The following RXFP1 variants were observed in gnomAD, a reference collection of about 807,000 sequenced individuals.
The protein encoded by RXFP1 is relaxin family peptide receptor 1.
In RXFP1, 73 loss-of-function variants were observed where a neutral mutation model predicts 89.8. The ratio of observed to expected loss-of-function variants is 0.81; its 90% CI spans 0.67 to 0.99. The LOEUF is 0.99. Among genes scored for constraint, RXFP1 ranks in the 50% least tolerant of loss-of-function variants. The pLI, the probability that RXFP1 is intolerant of heterozygous loss-of-function variation, is 0.00. For synonymous variants in RXFP1, 277 were observed against 305.5 expected (o/e 0.91, Z 0.97); for missense variants, 793 against 895.5 (o/e 0.89, Z 1.46).
Position 158,572,823 on chromosome 4 carries a change from G to C in RXFP1, c.175G>C (p.Glu59Gln), listed in dbSNP as rs559778296. 3.1e-6 allele frequency: 5 copies of C among 1,614,192 alleles called. No individual in the cohort carries two copies. The highest frequency in any genetic ancestry group is 4.2e-6 in the Non-Finnish European group (5 of 1,180,038). Residue 59 changes from glutamate (E) to glutamine (Q), a missense_variant, in exon 2 of 18, where the codon GAG becomes CAG. By Grantham distance (29) the Glu-to-Gln change is conservative (BLOSUM62 2). Coordinates refer to ENST00000307765, the MANE Select transcript of RXFP1 (RefSeq NM_021634.4). ...GGACGACTGCGGGAATCAGGCCGAT[G>C]AGGACAACTGTGGTGAGTGAAGCCC... ...GVDDCGNQADEDNCGDNNGWS... is the reference protein window; with the variant it reads ...GVDDCGNQADQDNCGDNNGWS...
At chr4:158,645,207 A>C in intron 15 of RXFP1, 69 bp downstream of exon 15, 1 of 1,155,682 alleles carries the variant, frequency 8.7e-7, no homozygotes, top group Non-Finnish European at 1.3e-6. Flanking sequence ...TTAGAAAATA[A>C]GTTGTGTGAG....
intron 13 of RXFP1, among the ~76,000 whole-genome samples, chr4:158,638,884 G>GA (rs1002744395): frequency 3.3e-5 from 5 of 150,094 alleles, no homozygotes; most frequent in African/African-American, 4.9e-5. Flanking sequence ...CATTTTATTA[G>GA]AAAAAAATTT....
intron 8 of RXFP1, among the ~76,000 whole-genome samples, chr4:158,612,915 C>A (rs1357195709): frequency 6.6e-6 from 1 of 152,166 alleles, no homozygotes; most frequent in Non-Finnish European, 1.5e-5. Flanking sequence ...GCCTTTATCA[C>A]AATATTCTTA....
chr4:158,542,820 T>C (rs1747150626), intron 1 of RXFP1, among the ~76,000 whole-genome samples: 1 of 152,136 alleles, frequency 6.6e-6, no homozygotes, highest in South Asian at 2.1e-4. Context: ...TCTGTATCAG[T>C]TAGAAAGGCA....
intron 2 of RXFP1, chr4:158,573,090 C>G (rs1167161817): frequency 1.0e-5 from 3 of 295,236 alleles, no homozygotes; most frequent in East Asian, 8.3e-5. Flanking sequence ...CTCACTGCAA[C>G]CTCTGCCTCC....
chr4:158,613,563 C>T (rs1196910589), intron 8 of RXFP1, among the ~76,000 whole-genome samples: 1 of 152,228 alleles, frequency 6.6e-6, no homozygotes, highest in East Asian at 1.9e-4. Context: ...TAAGAAGCAA[C>T]TCCTCATCTG....
intron 6 of RXFP1, chr4:158,610,801 C>A: frequency 1.1e-6 from 1 of 923,938 alleles, no homozygotes; most frequent in Non-Finnish European, 1.5e-6. Context: ...ACCTGGGCTC[C>A]AGGTTTGCAA....
chr4:158,623,434 A>G lies in RXFP1; in HGVS notation c.756-3386A>G, dbSNP rs188320557. Among the ~76,000 whole-genome samples the G allele has an allele frequency of 2.5e-4, 36 of 145,184 alleles. 1 individual carries two copies. In the East Asian group the frequency reaches 7.4e-3, roughly 30 times the overall value. On this transcript the variant is annotated intron_variant, in intron 9 of 17. Coordinates refer to ENST00000307765, the MANE Select transcript of RXFP1 (RefSeq NM_021634.4). ...GGAGAATCACTTGAATCCAGGAAGC[A>G]GAAGTTGCAGTGAGCCGAGATTGTG...
intron 1 of RXFP1, among the ~76,000 whole-genome samples, chr4:158,564,630 G>A (rs1206873068): frequency 1.3e-5 from 2 of 152,164 alleles, no homozygotes; most frequent in African/African-American, 4.8e-5. Flanking sequence ...AAAAAAAATT[G>A]TGAACCACTG....
chr4:158,533,866 T>C (rs1052066804), intron 1 of RXFP1, among the ~76,000 whole-genome samples: 2 of 152,204 alleles, frequency 1.3e-5, no homozygotes, highest in African/African-American at 4.8e-5. Context: ...ATGCTTTTTT[T>C]CCTATTGCTT....
intron 1 of RXFP1, among the ~76,000 whole-genome samples, chr4:158,539,656 G>A (rs73860519): frequency 0.027 from 4,147 of 152,208 alleles, 180 homozygotes; most frequent in African/African-American, 0.094. Flanking sequence ...GACCACATGT[G>A]CTGCTTAGCA....
chr4:158,567,918 T>G (rs1753998908), intron 1 of RXFP1, among the ~76,000 whole-genome samples: 2 of 152,184 alleles, frequency 1.3e-5, no homozygotes, highest in South Asian at 4.1e-4. Context: ...GGTGGCTTTG[T>G]TCTTTTGCTC....
At chr4:158,604,943 C>T (rs1762309655) in intron 4 of RXFP1, 125 bp from the exon 5 acceptor site, 3 of 513,560 alleles carry the variant, frequency 5.8e-6, no homozygotes, top group Non-Finnish European at 1.1e-5. Flanking sequence ...ATGAGAGAGA[C>T]ATTATGAAGC....
chr4:158,637,794 A>AC (rs1769493406), intron 12 of RXFP1, among the ~76,000 whole-genome samples: 1 of 152,136 alleles, frequency 6.6e-6, no homozygotes, highest in Non-Finnish European at 1.5e-5. Flanking sequence ...GGCAATATCC[A>AC]AAAAAATCAT....
At chr4:158,644,715 A>G (rs998432370) in intron 14 of RXFP1, among the ~76,000 whole-genome samples, 194 bp from the exon 15 acceptor site, 2 of 152,230 alleles carry the variant, frequency 1.3e-5, no homozygotes, top group African/African-American at 2.4e-5. Context: ...TCACCCACAC[A>G]TTCTTTAACA....
At chr4:158,533,749 C>T (rs1162721116) in intron 1 of RXFP1, among the ~76,000 whole-genome samples, 2 of 152,146 alleles carry the variant, frequency 1.3e-5, no homozygotes, top group Non-Finnish European at 2.9e-5. Flanking sequence ...ATTTTCCCTA[C>T]TTTTCTATTT....
At chr4:158,608,860 TA>T in intron 6 of RXFP1, among the ~76,000 whole-genome samples, 1 of 152,340 alleles carries the variant, frequency 6.6e-6, no homozygotes, top group South Asian at 2.1e-4. Flanking sequence ...TTGGCTACTT[TA>T]AGTACCTCAT....
chr4:158,623,355 A>AAAT (rs1766003707), intron 9 of RXFP1, among the ~76,000 whole-genome samples: 1 of 151,004 alleles, frequency 6.6e-6, no homozygotes, highest in Non-Finnish European at 1.5e-5. Context: ...AAAAAAAAAA[A>AAAT]AAAATTAGCC....
At chr4:158,534,445 C>T (rs1041687786) in intron 1 of RXFP1, among the ~76,000 whole-genome samples, 2 of 152,066 alleles carry the variant, frequency 1.3e-5, no homozygotes, top group African/African-American at 4.8e-5. Context: ...CAGGGTTTCT[C>T]CATGTTGGTC....
Sources: gnomAD v4.1 joint callset for allele counts (sites outside exome capture counted in the v4.1 genomes callset) on GRCh38, gnomAD v4.1.1 for gene constraint, MANE v1.5 for transcripts, NCBI Gene and HGNC (gene_info 2026-07-23, HGNC 2026-07-21) for gene names.